Variants in CYSLTR2 observed in about 807,000 individuals in gnomAD.
The protein encoded by CYSLTR2 is G-protein coupled receptor GPCR21.
For synonymous variants in CYSLTR2, 179 were observed against 160.8 expected, an observed-to-expected ratio of 1.11 and a Z score of -0.86; for missense variants, 398 against 411.9, an observed-to-expected ratio of 0.97 and a Z score of 0.29.
chr13:48,706,022 G>T, intron 4 of CYSLTR2, among the ~76,000 whole-genome samples: 2 of 141,802 alleles, frequency 1.4e-5, no homozygotes, highest in Non-Finnish European at 1.5e-5. Flanking sequence ...TTGAGATGGA[G>T]TTTCGCTCTT....
At chr13:48,681,836 C>T (rs17072059) in intron 1 of CYSLTR2, among the ~76,000 whole-genome samples, 16,246 of 152,076 alleles carry the variant, frequency 0.11, 1,440 homozygotes, top group African/African-American at 0.24. Context: ...TCTTCATGGT[C>T]AAAAAGTTAA....
chr13:48,707,313 A>G lies in CYSLTR2; in HGVS notation c.496A>G (p.Ile166Val). The change falls in exon 5 of 5, where the codon ATC (isoleucine) becomes GTC (valine). Residue 166 changes from isoleucine (I) to valine (V), a missense_variant. Transcript: ENST00000682523. ...CCTCTGTGGGATCATATGGATCCTTATCATGGCTTCCTCAATAATGCTCCT... is the reference window on the plus strand; with the variant it reads ...CCTCTGTGGGATCATATGGATCCTTGTCATGGCTTCCTCAATAATGCTCCT... ...WILCGIIWIL[I>V]MASSIMLLDS... is the part of the protein sequence containing the mutation. The G allele has an allele frequency of 6.2e-7, 1 of 1,614,042 alleles. No homozygotes were observed. The highest frequency in any genetic ancestry group is 8.5e-7 in the Non-Finnish European group (1 of 1,180,034).
chr13:48,692,451 T>C (rs1237648195), intron 2 of CYSLTR2, among the ~76,000 whole-genome samples: 1 of 151,848 alleles, frequency 6.6e-6, no homozygotes, highest in Non-Finnish European at 1.5e-5. Context: ...TGGCTTTACA[T>C]GTATGCATTT....
At chr13:48,662,485 G>A (rs1953155003) in intron 1 of CYSLTR2, among the ~76,000 whole-genome samples, 1 of 152,114 alleles carries the variant, frequency 6.6e-6, no homozygotes, top group South Asian at 2.1e-4. Context: ...CAACACATGA[G>A]TTCCCTTTAC....
intron 1 of CYSLTR2, among the ~76,000 whole-genome samples, chr13:48,683,637 T>C (rs1316902760): frequency 2.0e-5 from 3 of 152,162 alleles, no homozygotes; most frequent in Non-Finnish European, 4.4e-5. Flanking sequence ...TATTAGACCT[T>C]TGTCAGATGC....
At chr13:48,670,597 G>A (rs568669063) in intron 1 of CYSLTR2, among the ~76,000 whole-genome samples, 1 of 152,116 alleles carries the variant, frequency 6.6e-6, no homozygotes, top group South Asian at 2.1e-4. Context: ...CAGATGTGTG[G>A]TGTTATTTCT....
intron 4 of CYSLTR2, among the ~76,000 whole-genome samples, chr13:48,700,302 A>C (rs546588708): frequency 2.8e-4 from 43 of 152,250 alleles, no homozygotes; most frequent in Non-Finnish European, 1.3e-4. Context: ...CCAGCAGCAC[A>C]TCAAAAAGCT....
At chr13:48,693,199 A>T (rs966821098) in intron 2 of CYSLTR2, among the ~76,000 whole-genome samples, 13 of 151,914 alleles carry the variant, frequency 8.6e-5, no homozygotes, top group Non-Finnish European at 1.8e-4. Context: ...TAGAAAATTC[A>T]GTTTAACAAA....
At chr13:48,662,163 C>T (rs777408461) in intron 1 of CYSLTR2, among the ~76,000 whole-genome samples, 3 of 152,212 alleles carry the variant, frequency 2.0e-5, no homozygotes, top group Non-Finnish European at 2.9e-5. Context: ...CATTTCCACC[C>T]TTGTTGCCAC....
Position 48,707,097 on chromosome 13 carries a change from A to T in CYSLTR2, c.280A>T (p.Arg94Trp). 1 of 1,614,186 alleles carries T rather than the reference A, an allele frequency of 6.2e-7. No individual in the cohort carries two copies. Among genetic ancestry groups the T allele is most frequent in the Non-Finnish European group, 8.5e-7 (1 of 1,180,030 alleles). ...DLLFISTLPF[R>W]ADYYLRGSNW... Reference sequence around the variant, plus strand: ...CCTGTTCATAAGCACGCTTCCCTTCAGGGCTGACTATTATCTTAGAGGCTC... The same window carrying T: ...CCTGTTCATAAGCACGCTTCCCTTCTGGGCTGACTATTATCTTAGAGGCTC... The change falls in exon 5 of 5, where the codon AGG becomes TGG. Residue 94 changes from arginine (R) to tryptophan (W), a missense_variant. Arg to Trp is a moderately radical substitution (Grantham distance 101, BLOSUM62 -3). Coordinates refer to ENST00000682523, the MANE Select transcript of CYSLTR2 (RefSeq NM_001308476.3).
chr13:48,705,036 G>C (rs1182785617), intron 4 of CYSLTR2, among the ~76,000 whole-genome samples: 3 of 152,076 alleles, frequency 2.0e-5, no homozygotes, highest in Non-Finnish European at 4.4e-5. Flanking sequence ...GCTGAGAGAG[G>C]TCCTTGAAGT....
At chr13:48,705,485 CTTG>C (rs1432230246) in intron 4 of CYSLTR2, among the ~76,000 whole-genome samples, 42 of 150,346 alleles carry the variant, frequency 2.8e-4, no homozygotes, top group Admixed American at 1.9e-3. Flanking sequence ...TTTTTCCTGC[CTTG>C]TTGTTGGTTA....
At chr13:48,663,158 T>C (rs1337849293) in intron 1 of CYSLTR2, among the ~76,000 whole-genome samples, 2 of 152,140 alleles carry the variant, frequency 1.3e-5, no homozygotes, top group Non-Finnish European at 2.9e-5. Context: ...GCTGTAGATA[T>C]TTGGATTAAT....
rs919873617 is a variant in CYSLTR2 at position 48,694,292 on chromosome 13, T to C, written c.-103+782T>C. ...AAGGCCAAAGTTTGTCTAAAGCATG[T>C]CAGTCCTGAATTCTCAGTCCCTGGA... On this transcript the variant is annotated intron_variant, in intron 3 of 4. Transcript: ENST00000682523. Among the ~76,000 whole-genome samples, 6 of 152,246 alleles carry C rather than the reference T, an allele frequency of 3.9e-5. No homozygotes were observed. In the South Asian group the frequency reaches 1.0e-3, roughly 26 times the overall value.
At chr13:48,670,242 A>C (rs575291558) in intron 1 of CYSLTR2, among the ~76,000 whole-genome samples, 1 of 152,298 alleles carries the variant, frequency 6.6e-6, no homozygotes, top group South Asian at 2.1e-4. Flanking sequence ...GTTCACTCTG[A>C]AGATAGTTTC....
At chr13:48,692,469 C>T (rs1954063549) in intron 2 of CYSLTR2, among the ~76,000 whole-genome samples, 1 of 151,586 alleles carries the variant, frequency 6.6e-6, no homozygotes, top group African/African-American at 2.4e-5. Flanking sequence ...TTTAGGCATA[C>T]ACAGATATGT....
rs1181459624 is a variant in CYSLTR2 at position 48,707,117 on chromosome 13, A to C, written c.300A>C (p.Arg100Ser). ...CCTTCAGGGCTGACTATTATCTTAG[A>C]GGCTCCAATTGGATATTTGGAGACC... ...TLPFRADYYL[R>S]GSNWIFGDLA... The change falls in exon 5 of 5, where the codon AGA (arginine) becomes AGC (serine). Residue 100 changes from arginine (R) to serine (S), a missense_variant. Transcript: ENST00000682523. 6.2e-7 allele frequency: 1 copy of C among 1,614,180 alleles called. No homozygotes were observed. The highest frequency in any genetic ancestry group is 1.7e-5 in the Admixed American group (1 of 60,024).
At chr13:48,663,760 T>A (rs1953188673) in intron 1 of CYSLTR2, among the ~76,000 whole-genome samples, 2 of 151,900 alleles carry the variant, frequency 1.3e-5, no homozygotes, top group Non-Finnish European at 3.0e-5. Context: ...ATATATGAGA[T>A]TATCATCTGT....
At chr13:48,686,516 C>T (rs1953896697) in intron 1 of CYSLTR2, among the ~76,000 whole-genome samples, 1 of 152,156 alleles carries the variant, frequency 6.6e-6, no homozygotes, top group Non-Finnish European at 1.5e-5. Context: ...TTCTAATAGA[C>T]TCTGAAAACA....
Sources: allele counts gnomAD v4.1 joint callset (sites outside exome capture counted in the v4.1 genomes callset), GRCh38; gene constraint gnomAD v4.1.1; transcripts MANE v1.5; gene names NCBI Gene and HGNC (gene_info 2026-07-23, HGNC 2026-07-21).